The following CDC42BPB variants were observed in gnomAD, a reference collection of about 807,000 sequenced individuals.
The protein encoded by CDC42BPB is serine/threonine-protein kinase MRCK beta.
Under a neutral mutation model 214.9 loss-of-function variants are expected in CDC42BPB, and 37 were observed. The ratio of observed to expected loss-of-function variants is 0.17; its 90% confidence interval spans 0.13 to 0.23. The LOEUF is 0.23. Among genes scored for constraint, CDC42BPB ranks in the 10% least tolerant of loss-of-function variants. The probability of loss-of-function intolerance (pLI) is 1.00; values close to 1 mark genes in which losing one functional copy is unlikely to be tolerated. For missense variants in CDC42BPB, 1,694 were observed against 2,227.0 expected (o/e 0.76, Z 4.82); for synonymous variants, 931 against 884.0 (o/e 1.05, Z -0.94).
intron 21 of CDC42BPB, chr14:102,956,368 C>A (rs1271845858): frequency 8.6e-5 from 69 of 797,868 alleles, no homozygotes; most frequent in Non-Finnish European, 9.6e-5. Flanking sequence ...TTGACTTAAT[C>A]TTGGTGACAA....
intron 13 of CDC42BPB, among the ~76,000 whole-genome samples, chr14:102,970,684 T>C (rs191313591): frequency 6.6e-6 from 1 of 152,270 alleles, no homozygotes; most frequent in Non-Finnish European, 1.5e-5. Flanking sequence ...CCAAGCCCGC[T>C]TCATCTCTGC....
At chr14:102,995,040 T>G (rs910315387) in intron 5 of CDC42BPB, among the ~76,000 whole-genome samples, 3 of 152,248 alleles carry the variant, frequency 2.0e-5, no homozygotes, top group Non-Finnish European at 4.4e-5. Context: ...TCTACTCAAC[T>G]TTCTACTTTA....
intron 1 of CDC42BPB, among the ~76,000 whole-genome samples, chr14:103,044,665 G>A (rs894098544): frequency 6.6e-6 from 1 of 151,786 alleles, no homozygotes; most frequent in Admixed American, 6.6e-5. Flanking sequence ...CACCACGCCT[G>A]GCCCTAATTT....
chr14:102,999,932 T>C, intron 4 of CDC42BPB: 1 of 983,494 alleles, frequency 1.0e-6, no homozygotes, highest in African/African-American at 1.7e-5. Context: ...GAGAGTGGAC[T>C]TCAGTAAGTG....
intron 36 of CDC42BPB, among the ~76,000 whole-genome samples, chr14:102,934,774 G>A (rs1406377668): frequency 1.3e-5 from 2 of 152,084 alleles, no homozygotes; most frequent in Non-Finnish European, 2.9e-5. Flanking sequence ...CACTTTGGGA[G>A]GCCAAGGTGG....
intron 18 of CDC42BPB, 45 bp from the exon 19 acceptor site, chr14:102,964,695 G>A (rs939412081): frequency 9.5e-5 from 148 of 1,552,448 alleles, no homozygotes; most frequent in Admixed American, 4.0e-4. Flanking sequence ...TCAGTTATCC[G>A]CTTGTTAAAC....
chr14:102,987,018 C>T lies in CDC42BPB; in HGVS notation c.597-438G>A, dbSNP rs74085579. On this transcript the variant is annotated intron_variant, in intron 5 of 36. Transcript: ENST00000361246. ...GGTGCAAGCTCTGTGCTGAGTACCA[C>T]GGAAAACAGGAATGGGACAAAGGGA... Among the ~76,000 whole-genome samples the T allele has an allele frequency of 6.0e-3, 910 of 152,282 alleles. 13 individuals carry two copies. Among genetic ancestry groups the T allele is most frequent in the African/African-American group, 0.021 (866 of 41,546 alleles).
rs183868894 is a variant in CDC42BPB at position 103,009,283 on chromosome 14, C to T, written c.268-728G>A. Among the ~76,000 whole-genome samples the T allele has an allele frequency of 3.1e-3, 469 of 152,334 alleles. 5 individuals carry two copies. Among genetic ancestry groups the T allele is most frequent in the African/African-American group, 0.011 (455 of 41,564 alleles). On this transcript the variant is annotated intron_variant, in intron 2 of 36. Coordinates refer to ENST00000361246, the MANE Select transcript of CDC42BPB (RefSeq NM_006035.4). ...TCTAACATCAAATACCACACAGTCA[C>T]ATCGTAGAGTCACTGTGAGAGCTGC...
intron 1 of CDC42BPB, among the ~76,000 whole-genome samples, chr14:103,040,171 A>G (rs888867623): frequency 2.6e-5 from 4 of 152,132 alleles, no homozygotes; most frequent in Non-Finnish European, 5.9e-5. Context: ...CCTGGCCAAC[A>G]TGGTGAAACC....
chr14:102,986,515 G>T lies in CDC42BPB; in HGVS notation c.662C>A (p.Ser221Ter). Reference protein sequence around the residue: ...NGHIRLADFGSCLKMNDDGTV... With the variant: ...NGHIRLADFG ...GCCATCATCATTCATCTTCAAACAT[G>T]ATCCAAAGTCAGCCAGGCGGATATG... Residue 221 changes from serine (S) to a stop codon, truncating the protein, a stop_gained, in exon 6 of 37, where the codon TCA (serine) becomes TAA (stop). Coordinates refer to ENST00000361246, the MANE Select transcript of CDC42BPB (RefSeq NM_006035.4). LOFTEE classifies it high-confidence loss of function. The T allele has an allele frequency of 6.2e-7, 1 of 1,613,782 alleles. No homozygotes were observed. The highest frequency in any genetic ancestry group is 1.1e-5 in the South Asian group (1 of 91,038).
At chr14:102,961,213 A>C (rs894908852) in intron 20 of CDC42BPB, among the ~76,000 whole-genome samples, 1 of 152,128 alleles carries the variant, frequency 6.6e-6, no homozygotes, top group Admixed American at 6.5e-5. Flanking sequence ...ATGAAGCCAC[A>C]CAAGTATGAG....
intron 1 of CDC42BPB, among the ~76,000 whole-genome samples, chr14:103,056,664 G>A (rs1888977886): frequency 6.6e-6 from 1 of 150,666 alleles, no homozygotes; most frequent in Non-Finnish European, 1.5e-5. Context: ...CCAGGGCGAG[G>A]GCCCGGCGGG....
intron 34 of CDC42BPB, 147 bp from the exon 35 acceptor site, chr14:102,938,558 T>C: frequency 7.1e-7 from 1 of 1,414,714 alleles, no homozygotes. Context: ...GGACAAGGGT[T>C]CTGGACAGTC....
At chr14:102,954,716 G>A (rs766815828) in intron 21 of CDC42BPB, 28 bp from the exon 22 acceptor site, 5 of 1,601,576 alleles carry the variant, frequency 3.1e-6, no homozygotes, top group East Asian at 4.5e-5. Context: ...GAAAGAGTGG[G>A]GTGAAAGGAC....
chr14:103,038,669 G>T (rs1174030171), intron 1 of CDC42BPB, among the ~76,000 whole-genome samples: 1 of 140,554 alleles, frequency 7.1e-6, no homozygotes. Flanking sequence ...TGAGACTACA[G>T]GTGAGCACCA....
intron 1 of CDC42BPB, among the ~76,000 whole-genome samples, chr14:103,014,330 C>T (rs965015431): frequency 7.2e-5 from 11 of 152,222 alleles, no homozygotes; most frequent in African/African-American, 2.2e-4. Flanking sequence ...AGTCAATTGT[C>T]TCTCTTGCAC....
At chr14:102,946,827 C>G in intron 27 of CDC42BPB, 143 bp from the exon 28 acceptor site, 1 of 1,449,630 alleles carries the variant, frequency 6.9e-7, no homozygotes, top group Non-Finnish European at 9.0e-7. Flanking sequence ...GACTCCACCT[C>G]GCTGGGCGCC....
At chr14:102,937,044 T>TTG (rs1566836906) in intron 36 of CDC42BPB, 1 of 152,190 alleles carries the variant, frequency 6.6e-6, no homozygotes. Context: ...AAAAAAATTG[T>TTG]TGTTTTGTGA....
chr14:103,033,903 A>T (rs1887527463), intron 1 of CDC42BPB, among the ~76,000 whole-genome samples: 1 of 152,166 alleles, frequency 6.6e-6, no homozygotes, highest in South Asian at 2.1e-4. Flanking sequence ...CGCCTGGTGT[A>T]TTTGCCATGA....
Sources: gnomAD v4.1 joint callset for allele counts (sites outside exome capture counted in the v4.1 genomes callset) on GRCh38, gnomAD v4.1.1 for gene constraint, MANE v1.5 for transcripts, NCBI Gene and HGNC (gene_info 2026-07-23, HGNC 2026-07-21) for gene names.